UBR3: variants seen among roughly 807,000 people sequenced by gnomAD.
The protein encoded by UBR3 is E3 ubiquitin-protein ligase UBR3.
A neutral mutation model predicts 243.2 loss-of-function variants in UBR3; 85 were observed. That is an observed-to-expected ratio of 0.35 (90% CI 0.29 to 0.42). The LOEUF is 0.42. Ranked by LOEUF, UBR3 falls within the 10% of genes least tolerant of loss-of-function variation. The pLI, the probability that UBR3 is intolerant of heterozygous loss-of-function variation, is 1.00. For missense variants in UBR3, 1,686 were observed against 2,300.8 expected (o/e 0.73, Z 5.47); for synonymous variants, 748 against 799.8 (o/e 0.94, Z 1.09).
intron 23 of UBR3, among the ~76,000 whole-genome samples, chr2:169,951,470 C>T (rs185687327): frequency 3.6e-4 from 55 of 152,116 alleles, no homozygotes; most frequent in Admixed American, 1.4e-3. Flanking sequence ...GGAATTGATA[C>T]TATAATGGAG....
At chr2:170,027,325 GATATA>G (rs1370219882) in intron 30 of UBR3, among the ~76,000 whole-genome samples, 2 of 150,746 alleles carry the variant, frequency 1.3e-5, no homozygotes, top group Non-Finnish European at 3.0e-5. Context: ...ATTTAAAGAT[GATATA>G]ATATCATCTT....
At chr2:169,984,501 C>T (rs1395274297) in intron 24 of UBR3, among the ~76,000 whole-genome samples, 1 of 152,132 alleles carries the variant, frequency 6.6e-6, no homozygotes, top group East Asian at 1.9e-4. Context: ...TAACAATTTA[C>T]ATACAGTATG....
In UBR3 at chr2:169,956,814, G is replaced by A. The variant is rs1199965082; in HGVS notation, c.3546-1624G>A. 5.3e-5 allele frequency among the ~76,000 whole-genome samples: 8 copies of A among 152,084 alleles called. 1 individual carries two copies. The highest frequency in any genetic ancestry group is 3.9e-4 in the Admixed American group (6 of 15,266). On this transcript the variant is annotated intron_variant, in intron 23 of 38. Transcript: ENST00000272793. The stretch of plus-strand genomic sequence containing the variant: ...TCTGAATTTTGTATGTTATATCCTT[G>A]AATCATATCAGATTAATAGAAAAAT...
intron 1 of UBR3, among the ~76,000 whole-genome samples, chr2:169,850,726 G>T (rs2082629246): frequency 6.6e-6 from 1 of 151,756 alleles, no homozygotes. Context: ...CGCCTGTGGT[G>T]CCAGCTACTC....
intron 29 of UBR3, among the ~76,000 whole-genome samples, chr2:170,013,450 T>C (rs2090144815): frequency 6.6e-6 from 1 of 152,060 alleles, no homozygotes; most frequent in Non-Finnish European, 1.5e-5. Context: ...AAAAAAATTT[T>C]TAAGAAATGT....
chr2:170,061,658 G>A (rs13019850), intron 35 of UBR3, among the ~76,000 whole-genome samples: 66,757 of 151,856 alleles, frequency 0.44, 15,794 homozygotes, highest in Non-Finnish European at 0.54. Context: ...AGTAGAGACA[G>A]GGTTTCACCA....
intron 29 of UBR3, 93 bp downstream of exon 29, chr2:170,009,033 G>C: frequency 1.1e-6 from 1 of 880,688 alleles, no homozygotes; most frequent in South Asian, 2.9e-5. Context: ...TTTAAAGGAT[G>C]CATATTTTTA....
chr2:169,918,307 C>CTTTTTT (rs35089044), intron 11 of UBR3, among the ~76,000 whole-genome samples: 14 of 141,606 alleles, frequency 9.9e-5, no homozygotes, highest in Admixed American at 7.1e-5. Context: ...TATATTTTTA[C>CTTTTTT]TTTTTTTTTT....
intron 34 of UBR3, 25 bp downstream of exon 34, chr2:170,061,211 T>A: frequency 6.3e-7 from 1 of 1,581,314 alleles, no homozygotes; most frequent in Non-Finnish European, 8.6e-7. Flanking sequence ...AAATCAGATG[T>A]AGCGGTTATT....
chr2:169,925,613 T>C lies in UBR3; in HGVS notation c.2023-6T>C. The C allele has an allele frequency of 6.5e-7, 1 of 1,539,034 alleles. No homozygotes were observed. The highest frequency in any genetic ancestry group is 8.7e-7 in the Non-Finnish European group (1 of 1,143,312). Reference sequence around the variant, plus strand: ...ATTTATTCTTTGTCCAATTTACTTTTATTAGGCAAGTCTTGCAGAAATCCA... The same window carrying C: ...ATTTATTCTTTGTCCAATTTACTTTCATTAGGCAAGTCTTGCAGAAATCCA... On this transcript the variant is annotated splice_polypyrimidine_tract_variant and splice_region_variant and intron_variant, in intron 13 of 38. Coordinates refer to ENST00000272793, the MANE Select transcript of UBR3 (RefSeq NM_172070.4).
chr2:169,860,211 T>G (rs1297557998), intron 1 of UBR3, among the ~76,000 whole-genome samples: 1 of 152,228 alleles, frequency 6.6e-6, no homozygotes, highest in Non-Finnish European at 1.5e-5. Flanking sequence ...TGTTTTTGTT[T>G]TTTGTTTGTT....
intron 1 of UBR3, among the ~76,000 whole-genome samples, chr2:169,838,861 C>G (rs1000934837): frequency 1.3e-5 from 2 of 152,196 alleles, no homozygotes; most frequent in African/African-American, 2.4e-5. Context: ...AGCTGTGAAC[C>G]TGTGAAGTCA....
intron 35 of UBR3, among the ~76,000 whole-genome samples, chr2:170,065,448 G>A (rs1026163765): frequency 7.9e-5 from 12 of 151,864 alleles, no homozygotes; most frequent in East Asian, 1.9e-4. Flanking sequence ...CACCGCACCC[G>A]ACTAGTTTTT....
At position 169,932,952 on chromosome 2, in the gene UBR3, T is replaced by G; in HGVS notation, c.2607T>G (p.Ile869Met). ...AAGAGTTTGACCCCGTCATGGTCAT[T>G]CTTCGAACAGTTTACCGTAGAGATG... The part of the protein sequence containing the change: ...WDQEFDPVMV[I>M]LRTVYRRDVQ... The change falls in exon 19 of 39, where the codon ATT becomes ATG. Residue 869 changes from isoleucine to methionine, a missense_variant. Transcript: ENST00000272793. 2 of 1,541,572 alleles carry G rather than the reference T, an allele frequency of 1.3e-6. No individual in the cohort carries two copies. The highest frequency in any genetic ancestry group is 1.2e-5 in the South Asian group (1 of 81,516).
chr2:170,057,457 A>G (rs1399029182), intron 33 of UBR3, among the ~76,000 whole-genome samples: 2 of 152,124 alleles, frequency 1.3e-5, no homozygotes, highest in African/African-American at 2.4e-5. Context: ...TCTGACTGCA[A>G]TGTAATCTGA....
chr2:169,876,598 C>T (rs1247339161), intron 3 of UBR3, among the ~76,000 whole-genome samples: 1 of 141,344 alleles, frequency 7.1e-6, no homozygotes, highest in Non-Finnish European at 1.6e-5. Flanking sequence ...TGCTCTGTTG[C>T]CCAGGCTGGA....
intron 29 of UBR3, among the ~76,000 whole-genome samples, chr2:170,011,694 C>T (rs990771750): frequency 3.3e-5 from 5 of 149,434 alleles, no homozygotes; most frequent in Non-Finnish European, 7.4e-5. Flanking sequence ...ATGGTGAAGC[C>T]TTGGAGAATT....
intron 26 of UBR3, 102 bp from the exon 27 acceptor site, chr2:170,001,202 A>G: frequency 1.3e-6 from 1 of 787,934 alleles, no homozygotes. Flanking sequence ...ACATTAATAT[A>G]AAAATAGGAA....
chr2:169,832,670 C>A (rs1245369581), intron 1 of UBR3, among the ~76,000 whole-genome samples: 1 of 151,886 alleles, frequency 6.6e-6, no homozygotes, highest in Non-Finnish European at 1.5e-5. Flanking sequence ...CGTGGTGGCT[C>A]ACACCTGTAA....
Sources: allele counts gnomAD v4.1 joint callset (sites outside exome capture counted in the v4.1 genomes callset), GRCh38; gene constraint gnomAD v4.1.1; transcripts MANE v1.5; gene names NCBI Gene and HGNC (gene_info 2026-07-23, HGNC 2026-07-21).